The following PCDHA2 variants were observed in gnomAD, a reference collection of about 807,000 sequenced individuals.
The protein encoded by PCDHA2 is protocadherin alpha 2.
PCDHA2 carries 58 observed loss-of-function variants against 66.0 expected under a neutral mutation model. The observed-to-expected ratio is 0.88, with a 90% CI of 0.71 to 1.09. The LOEUF (loss-of-function observed/expected upper bound fraction) is 1.09. Ranked by LOEUF, PCDHA2 falls within the 50% of genes least tolerant of loss-of-function variation. PCDHA2 has a pLI of 0.00. For missense variants in PCDHA2, 1,267 were observed against 1,242.3 expected (o/e 1.02, Z -0.30); for synonymous variants, 634 against 554.0 (o/e 1.14, Z -2.03).
intron 1 of PCDHA2, among the ~76,000 whole-genome samples, chr5:140,800,469 A>G (rs1762558709): frequency 2.0e-5 from 3 of 152,204 alleles, no homozygotes; most frequent in African/African-American, 7.2e-5. Context: ...GTATGTTTTA[A>G]TATATACAGC....
Position 140,856,266 on chromosome 5 carries a change from T to C in PCDHA2, c.2388+58914T>C, listed in dbSNP as rs1581394564. On this transcript the variant is annotated intron_variant, in intron 1 of 3. Coordinates refer to ENST00000526136, the MANE Select transcript of PCDHA2 (RefSeq NM_018905.3). ...GTGGCGTCCAAAAGACACGGGGACC[T>C]TCTGGAGGTAAATCTGCAGAATGGC... 7 of 1,598,200 alleles carry C rather than the reference T, an allele frequency of 4.4e-6. No homozygotes were observed. The East Asian group carries it at 1.6e-4, about 36-fold the overall frequency.
intron 1 of PCDHA2, among the ~76,000 whole-genome samples, chr5:140,894,303 A>G (rs1386163832): frequency 2.0e-5 from 3 of 151,922 alleles, no homozygotes; most frequent in Admixed American, 6.6e-5. Context: ...TTTCCTGGAA[A>G]GTTTTCTTAA....
chr5:140,888,088 C>G (rs941828532), intron 1 of PCDHA2, among the ~76,000 whole-genome samples: 3 of 151,906 alleles, frequency 2.0e-5, no homozygotes, highest in African/African-American at 4.8e-5. Flanking sequence ...ACATTTTTGT[C>G]CTTAGTTTGC....
intron 1 of PCDHA2, among the ~76,000 whole-genome samples, chr5:140,873,090 T>G (rs540850056): frequency 6.6e-6 from 1 of 152,198 alleles, no homozygotes; most frequent in Non-Finnish European, 1.5e-5. Context: ...CCCCCCCGTA[T>G]AGAGGCATAA....
intron 1 of PCDHA2, among the ~76,000 whole-genome samples, chr5:140,839,543 C>T (rs1455447545): frequency 1.3e-5 from 2 of 151,966 alleles, no homozygotes; most frequent in Non-Finnish European, 2.9e-5. Flanking sequence ...GCACACACCA[C>T]CATGCCCAAC....
chr5:140,997,334 C>G (rs2097767888), intron 3 of PCDHA2, among the ~76,000 whole-genome samples: 3 of 152,098 alleles, frequency 2.0e-5, no homozygotes, highest in Admixed American at 2.0e-4. Flanking sequence ...TTTCGTTGTA[C>G]AAATATCATA....
At chr5:140,858,255 C>G in intron 1 of PCDHA2, 10 of 1,596,962 alleles carry the variant, frequency 6.3e-6, no homozygotes, top group Middle Eastern at 1.7e-4. Flanking sequence ...GTGAAGCCCA[C>G]GCTGGTGTGC....
chr5:140,850,073 G>A, intron 1 of PCDHA2: 1 of 1,596,556 alleles, frequency 6.3e-7, no homozygotes, highest in Non-Finnish European at 8.6e-7. Context: ...TGGACCACGA[G>A]GAGCTGGAGC....
chr5:140,922,131 TTATCC>T (rs2080656521), intron 1 of PCDHA2, among the ~76,000 whole-genome samples: 1 of 152,176 alleles, frequency 6.6e-6, no homozygotes, highest in South Asian at 2.1e-4. Context: ...TAAATGTCTC[TTATCC>T]TCCATGAAAC....
intron 1 of PCDHA2, among the ~76,000 whole-genome samples, chr5:140,879,397 G>A (rs973374921): frequency 6.6e-6 from 1 of 152,188 alleles, no homozygotes; most frequent in Non-Finnish European, 1.5e-5. Context: ...AACAGTTTGT[G>A]TGTATTTGAG....
At chr5:140,883,763 G>T (rs782611304) in intron 1 of PCDHA2, 4 of 1,612,740 alleles carry the variant, frequency 2.5e-6, no homozygotes, top group Non-Finnish European at 3.4e-6. Flanking sequence ...GGAGCGGCGG[G>T]TGGGCGAGCG....
intron 1 of PCDHA2, among the ~76,000 whole-genome samples, chr5:140,818,413 T>C (rs1455060825): frequency 2.6e-5 from 4 of 152,266 alleles, no homozygotes; most frequent in African/African-American, 9.6e-5. Context: ...ATTTTCCTTT[T>C]TAAAAATATA....
chr5:140,889,265 A>G (rs900785254), intron 1 of PCDHA2, among the ~76,000 whole-genome samples: 7 of 151,968 alleles, frequency 4.6e-5, no homozygotes, highest in African/African-American at 2.4e-5. Context: ...AAAAGTTTGT[A>G]TAATCTTTGA....
At chr5:140,986,508 G>T (rs1043049646) in intron 3 of PCDHA2, among the ~76,000 whole-genome samples, 26 of 152,184 alleles carry the variant, frequency 1.7e-4, no homozygotes, top group African/African-American at 5.3e-4. Context: ...TAAAAGGACT[G>T]CCCCTGCCTG....
At chr5:140,877,498 C>G in intron 1 of PCDHA2, 1 of 1,613,844 alleles carries the variant, frequency 6.2e-7, no homozygotes, top group Non-Finnish European at 8.5e-7. Context: ...CGGCCAGGCC[C>G]CAAAGACGTC....
intron 1 of PCDHA2, chr5:140,883,877 G>A: frequency 1.2e-6 from 2 of 1,613,254 alleles, no homozygotes; most frequent in Non-Finnish European, 1.7e-6. Flanking sequence ...CCAGGTGAGC[G>A]CGCGCGACTC....
At chr5:140,823,072 TCG>T (rs2150121964) in intron 1 of PCDHA2, 15 of 1,613,862 alleles carry the variant, frequency 9.3e-6, no homozygotes, top group Non-Finnish European at 1.3e-5. Context: ...GGGCTCGCCT[TCG>T]CTGTGGGCCA....
At position 140,795,302 on chromosome 5, in the gene PCDHA2, C is replaced by T. The variant is rs782371929; in HGVS notation, c.338C>T (p.Pro113Leu). The T allele has an allele frequency of 6.2e-7, 1 of 1,614,186 alleles. No homozygotes were observed. The highest frequency in any genetic ancestry group is 8.5e-7 in the Non-Finnish European group (1 of 1,180,024). ...SIHVEVIVDR[P>L]LQVFHVEVEV... ...CACGTGGAGGTGATCGTGGACAGGC[C>T]GCTGCAGGTTTTCCATGTGGAAGTG... The change falls in exon 1 of 4, where the codon CCG (proline) becomes CTG (leucine). Residue 113 changes from proline to leucine, a missense_variant. Pro to Leu is a moderately conservative substitution (Grantham distance 98, BLOSUM62 -3). Coordinates refer to ENST00000526136, the MANE Select transcript of PCDHA2 (RefSeq NM_018905.3).
chr5:140,974,057 G>A (rs1302269611), intron 1 of PCDHA2, among the ~76,000 whole-genome samples: 1 of 152,154 alleles, frequency 6.6e-6, no homozygotes, highest in Non-Finnish European at 1.5e-5. Flanking sequence ...ATAATATTTG[G>A]AGCAGTATAA....
Sources: gnomAD v4.1 joint callset for allele counts (sites outside exome capture counted in the v4.1 genomes callset) on GRCh38, gnomAD v4.1.1 for gene constraint, MANE v1.5 for transcripts, NCBI Gene and HGNC (gene_info 2026-07-23, HGNC 2026-07-21) for gene names.